The following UTY variants were observed in gnomAD, a reference collection of about 807,000 sequenced individuals.
The protein encoded by UTY is histone demethylase UTY.
Under a neutral mutation model 32.5 loss-of-function variants are expected in UTY, and 12 were observed. The ratio of observed to expected loss-of-function variants is 0.37; its 90% CI spans 0.24 to 0.60. The LOEUF is 0.60. Among genes scored for constraint, UTY ranks in the 20% least tolerant of loss-of-function variants. UTY has a pLI of 0.69. For missense variants in UTY, 303 were observed against 299.2 expected (o/e 1.01, Z -0.09); for synonymous variants, 131 against 103.4 (o/e 1.27, Z -1.62).
At chrY:13,388,388 C>T in intron 8 of UTY, among the ~76,000 whole-genome samples, 1 of 33,730 alleles carries the variant, frequency 3.0e-5, no homozygotes, top group African/African-American at 1.2e-4. Flanking sequence ...TTTAGATACA[C>T]CCTCCCCTGT....
At chrY:13,355,667 T>C in intron 16 of UTY, 1 of 354,551 alleles carries the variant, frequency 2.8e-6, no homozygotes, top group Non-Finnish European at 3.8e-6. Flanking sequence ...AAACAGAAGA[T>C]TTCAAATTTC....
intron 27 of UTY, among the ~76,000 whole-genome samples, chrY:13,277,035 A>G: frequency 2.9e-5 from 1 of 34,073 alleles, no homozygotes; most frequent in African/African-American, 1.1e-4. Context: ...ATTGAAACAA[A>G]CACATGCTAA....
chrY:13,388,428 A>T (rs2149479593), intron 8 of UTY, among the ~76,000 whole-genome samples: 1 of 34,107 alleles, frequency 2.9e-5, no homozygotes, highest in Non-Finnish European at 7.3e-5. Flanking sequence ...TTCAATGGCC[A>T]TGTAGTTTGT....
At chrY:13,304,523 G>GA (rs547468903) in intron 24 of UTY, among the ~76,000 whole-genome samples, 2 of 32,277 alleles carry the variant, frequency 6.2e-5, no homozygotes, top group South Asian at 6.7e-4. Context: ...AACTCAAAAG[G>GA]AAAAAAAATC....
At chrY:13,239,668 G>A (rs2053880246) in intron 28 of UTY, among the ~76,000 whole-genome samples, 1 of 33,290 alleles carries the variant, frequency 3.0e-5, no homozygotes, top group Non-Finnish European at 7.4e-5. Flanking sequence ...AGAATAAGAC[G>A]ATATAACCAA....
intron 17 of UTY, among the ~76,000 whole-genome samples, chrY:13,345,814 C>T: frequency 3.0e-5 from 1 of 33,262 alleles, no homozygotes. Flanking sequence ...ACCCAGAGTT[C>T]GTGCCCTATG....
chrY:13,330,524 G>A (rs2060604778), intron 18 of UTY, among the ~76,000 whole-genome samples: 1 of 33,936 alleles, frequency 2.9e-5, no homozygotes. Context: ...ATCCGCAGAT[G>A]AGGAGATTCC....
intron 3 of UTY, among the ~76,000 whole-genome samples, chrY:13,455,379 T>G: frequency 3.0e-5 from 1 of 33,032 alleles, no homozygotes; most frequent in Non-Finnish European, 7.4e-5. Flanking sequence ...AATTCAAAGA[T>G]CAGAAAGACT....
intron 27 of UTY, among the ~76,000 whole-genome samples, chrY:13,270,351 C>T: frequency 6.0e-5 from 2 of 33,266 alleles, no homozygotes; most frequent in African/African-American, 2.4e-4. Flanking sequence ...AAAACGCACA[C>T]CCGTGGGTAG....
At chrY:13,410,480 T>A in intron 6 of UTY, among the ~76,000 whole-genome samples, 1 of 33,540 alleles carries the variant, frequency 3.0e-5, no homozygotes, top group Non-Finnish European at 7.4e-5. Flanking sequence ...AATCTGCATA[T>A]TACCCAAAAA....
At chrY:13,258,872 T>G in intron 28 of UTY, among the ~76,000 whole-genome samples, 1 of 34,061 alleles carries the variant, frequency 2.9e-5, no homozygotes. Flanking sequence ...GCAGGCCCCC[T>G]AAACCTGGTC....
chrY:13,463,539 A>G (rs2077622923), intron 3 of UTY, among the ~76,000 whole-genome samples: 1 of 33,598 alleles, frequency 3.0e-5, no homozygotes, highest in African/African-American at 1.2e-4. Context: ...TGACATTACT[A>G]AAATAACATT....
chrY:13,328,246 A>C (rs780950975), intron 18 of UTY, among the ~76,000 whole-genome samples: 32 of 33,477 alleles, frequency 9.6e-4, no homozygotes, highest in African/African-American at 3.1e-3. Flanking sequence ...AACAAAACAA[A>C]AACAACAACA....
chrY:13,449,065 T>C lies in UTY; in HGVS notation c.327A>G (p.Ala109=), dbSNP rs1334394778. 2.7e-6 allele frequency: 1 copy of C among 373,137 alleles called. No homozygotes were observed. Among genetic ancestry groups the C allele is most frequent in the South Asian group, 3.3e-5 (1 of 30,000 alleles). The allele number at this position is 373,137 out of a possible 400,897, so 93.1% of individuals were successfully genotyped here. The change falls in exon 4 of 30, where the codon GCA becomes GCG. Residue 109 remains alanine (A), a splice_region_variant and synonymous_variant. Transcript: ENST00000545955. ...TGTAATATCTCTGATATGCAGATAATGCTGGAAAAGAAAAAATAATTATTA... is the reference window on the plus strand; with the variant it reads ...TGTAATATCTCTGATATGCAGATAACGCTGGAAAAGAAAAAATAATTATTA... ...FNLLLEDYSK[A]LSAYQRYYSL...
At chrY:13,398,272 C>T in intron 6 of UTY, among the ~76,000 whole-genome samples, 1 of 33,239 alleles carries the variant, frequency 3.0e-5, no homozygotes, top group Non-Finnish European at 7.5e-5. Flanking sequence ...CAAATAGCAT[C>T]ATGAGAGTGA....
chrY:13,452,856 C>A, intron 3 of UTY, among the ~76,000 whole-genome samples: 2 of 33,519 alleles, frequency 6.0e-5, no homozygotes, highest in Admixed American at 5.4e-4. Context: ...TGAAATTTAT[C>A]CAAATGTGAG....
chrY:13,289,065 T>C (rs2057595624), intron 27 of UTY, among the ~76,000 whole-genome samples: 3 of 34,014 alleles, frequency 8.8e-5, no homozygotes, highest in Non-Finnish European at 2.2e-4. Flanking sequence ...ACCTGCTTAC[T>C]GCTCCCTTGT....
intron 4 of UTY, among the ~76,000 whole-genome samples, chrY:13,432,585 G>A (rs956001228): frequency 8.5e-4 from 28 of 32,781 alleles, no homozygotes; most frequent in Non-Finnish European, 1.9e-3. Context: ...GACCACCTAG[G>A]GGCTCAGAAA....
At chrY:13,286,646 T>C in intron 27 of UTY, 1 of 380,441 alleles carries the variant, frequency 2.6e-6, no homozygotes. Context: ...ACATGTCCCA[T>C]GGTTCCAGCG....
Sources: allele counts gnomAD v4.1 joint callset (sites outside exome capture counted in the v4.1 genomes callset), GRCh38; gene constraint gnomAD v4.1.1; transcripts MANE v1.5; gene names NCBI Gene and HGNC (gene_info 2026-07-23, HGNC 2026-07-21).